NFRKB: variants seen among roughly 807,000 people sequenced by gnomAD.
NFRKB encodes nuclear factor related to kappa-B-binding protein.
NFRKB carries 62 observed loss-of-function variants against 135.7 expected under a neutral mutation model. The observed-to-expected ratio is 0.46, with a 90% confidence interval of 0.37 to 0.56. NFRKB has a LOEUF of 0.56. Ranked by LOEUF, NFRKB falls within the 20% of genes least tolerant of loss-of-function variation. The probability of loss-of-function intolerance (pLI) is 0.00; values close to 1 mark genes in which losing one functional copy is unlikely to be tolerated. For missense variants in NFRKB, 1,545 were observed against 1,662.0 expected (o/e 0.93, Z 1.22); for synonymous variants, 678 against 635.6 (o/e 1.07, Z -1.00).
chr11:129,882,750 AAC>A (rs1308396210), intron 9 of NFRKB, 119 bp from the exon 10 acceptor site: 1 of 1,076,016 alleles, frequency 9.3e-7, no homozygotes, highest in Non-Finnish European at 1.3e-6. Flanking sequence ...TCAGTAATAA[AAC>A]ACTCAATGAA....
chr11:129,877,309 G>T lies in NFRKB; in HGVS notation c.1572+16C>A. 1 of 1,613,610 alleles carries T rather than the reference G, an allele frequency of 6.2e-7. No homozygotes were observed. The highest frequency in any genetic ancestry group is 1.3e-5 in the African/African-American group (1 of 75,028). On this transcript the variant is annotated intron_variant, in intron 16 of 26. Coordinates refer to ENST00000682444, the MANE Select transcript of NFRKB (RefSeq NM_001143835.2). Reference sequence around the variant, plus strand: ...CTCACAGAGGCAGAGACTTACACTGGCTTTTAGGTTCTTACCTGCTCCTGA... The same window carrying T: ...CTCACAGAGGCAGAGACTTACACTGTCTTTTAGGTTCTTACCTGCTCCTGA...
chr11:129,865,974 G>T lies in NFRKB; in HGVS notation c.3541C>A (p.Pro1181Thr). Residue 1181 changes from proline (P) to threonine (T), a missense_variant, in exon 25 of 27, where the codon CCT (proline) becomes ACT (threonine). Physicochemically the swap from Pro to Thr is conservative, Grantham distance 38 (BLOSUM62 -1). Around this residue, in one of 3 missense-constraint regions of NFRKB, gnomAD observed 753 missense variants for 804.3 expected, o/e 0.94. Coordinates refer to ENST00000682444, the MANE Select transcript of NFRKB (RefSeq NM_001143835.2). ...GAGAGGGGAACTGTGATCCGTGTAG[G>T]CAACTTCCCCTAGAAAAAAAAAGCA... ...VVSTSQAGKLPTRITVPLSVI... is the reference protein window; with the variant it reads ...VVSTSQAGKLTTRITVPLSVI... The T allele has an allele frequency of 6.3e-7, 1 of 1,590,204 alleles. No homozygotes were observed.
At position 129,874,578 on chromosome 11, in the gene NFRKB, G is replaced by A. The variant is rs758784384; in HGVS notation, c.1981C>T (p.Arg661Trp). 11 of 1,613,842 alleles carry A rather than the reference G, an allele frequency of 6.8e-6. No homozygotes were observed. Among genetic ancestry groups the A allele is most frequent in the Admixed American group, 1.7e-5 (1 of 59,966 alleles). Residue 661 changes from arginine (R) to tryptophan (W), a missense_variant and splice_region_variant, in exon 20 of 27, where the codon CGG (arginine) becomes TGG (tryptophan). Transcript: ENST00000682444. The surrounding 1 kb of genome is among the most constrained non-coding windows in gnomAD (Gnocchi z 4.5). Reference protein sequence around the residue: ...HRDRSEEEFERIHQAQAAAAK... With the variant: ...HRDRSEEEFEWIHQAQAAAAK... Reference sequence around the variant, plus strand: ...GCAGCTGCTTGTGCTTGGTGAATCCGCTCTGTGAACAAGAGGGGCAAGCTT... The same window carrying A: ...GCAGCTGCTTGTGCTTGGTGAATCCACTCTGTGAACAAGAGGGGCAAGCTT...
chr11:129,888,176 G>A (rs752034380), intron 4 of NFRKB: 13 of 478,720 alleles, frequency 2.7e-5, no homozygotes, highest in Non-Finnish European at 4.4e-5. Flanking sequence ...GAAGTGCTTG[G>A]CAGTGAAGTG....
At chr11:129,894,182 A>C (rs1467807852) in intron 2 of NFRKB, 177 bp downstream of exon 2, 1 of 152,262 alleles carries the variant, frequency 6.6e-6, no homozygotes, top group Admixed American at 6.5e-5. Flanking sequence ...ACAGGACCAC[A>C]GGGAGCTTAA....
rs1277435823 is a variant in NFRKB, at chr11:129,888,480, C to T, written c.337+114G>A. ...GTTACACAAAACCGCTCTTTGCTGC[C>T]TCAGTATCTGTACATGAAGATAAAA... On this transcript the variant is annotated intron_variant, in intron 4 of 26. Coordinates refer to ENST00000682444, the MANE Select transcript of NFRKB (RefSeq NM_001143835.2). 4.5e-6 allele frequency: 5 copies of T among 1,122,840 alleles called. No individual in the cohort carries two copies. The Admixed American group carries it at 9.2e-5, about 21-fold the overall frequency. The allele number at this position is 1,122,840 out of a possible 1,614,324, so 69.6% of individuals were successfully genotyped here. A position where few individuals can be genotyped will look rare whatever the true frequency, so the allele number is the denominator to read the frequency against.
rs1304640218 is a variant in NFRKB, at chr11:129,874,929, C to T, written c.1855-13G>A. 3.1e-6 allele frequency: 5 copies of T among 1,613,630 alleles called. No individual in the cohort carries two copies. In the East Asian group the frequency reaches 8.9e-5, roughly 29 times the overall value. On this transcript the variant is annotated splice_polypyrimidine_tract_variant and intron_variant, in intron 18 of 26. Transcript: ENST00000682444. The surrounding 1 kb of genome is among the most constrained non-coding windows in gnomAD (Gnocchi z 4.5). ...CTACTGTATTTACCTACAAATCAGA[C>T]AAAGGGAAATAAGAAACAAGTCAAG... is the stretch of plus-strand genomic sequence containing the variant.
Position 129,882,131 on chromosome 11 carries a change from A to G in NFRKB, c.1146T>C (p.Leu382=). The change falls in exon 11 of 27, where the codon CTT becomes CTC. Residue 382 remains leucine (L), a synonymous_variant. Coordinates refer to ENST00000682444, the MANE Select transcript of NFRKB (RefSeq NM_001143835.2). ...INEISSSFFS[L]LLEILLLESQ... The stretch of plus-strand genomic sequence containing the variant: ...TCTCCAGCAGCAAGATCTCTAATAG[A>G]AGAGAGAAGAAGCTGGAAGATATTT... 5 of 1,613,662 alleles carry G rather than the reference A, an allele frequency of 3.1e-6. No individual in the cohort carries two copies. Among genetic ancestry groups the G allele is most frequent in the Non-Finnish European group, 4.2e-6 (5 of 1,179,872 alleles).
chr11:129,884,241 G>C, intron 7 of NFRKB, 98 bp from the exon 8 acceptor site: 1 of 1,257,932 alleles, frequency 7.9e-7, no homozygotes, highest in Middle Eastern at 1.9e-4. Context: ...TTTCCCTTCT[G>C]ACACCTGTGA....
intron 3 of NFRKB, 74 bp downstream of exon 3, chr11:129,892,641 G>A: frequency 2.0e-6 from 3 of 1,501,418 alleles, no homozygotes; most frequent in Middle Eastern, 2.4e-4. Flanking sequence ...GAAATGTAGA[G>A]TGGAAAAGGT....
rs140095447 is a variant in NFRKB at position 129,877,229 on chromosome 11, T to G, written c.1572+96A>C. On this transcript the variant is annotated intron_variant, in intron 16 of 26. Coordinates refer to ENST00000682444, the MANE Select transcript of NFRKB (RefSeq NM_001143835.2). ...AAGGTCTAAGGGGAAAGGTATGAGT[T>G]TCTTGCAAGAAGGTAGATGCAGGAG... 110 of 1,266,026 alleles carry G rather than the reference T, an allele frequency of 8.7e-5. No individual in the cohort carries two copies. The Middle Eastern group carries it at 1.9e-3, about 22-fold the overall frequency. 78.4% of individuals were successfully genotyped at this position (1,266,026 alleles called of 1,614,324 possible). A position where few individuals can be genotyped will look rare whatever the true frequency, so the allele number is the denominator to read the frequency against.
chr11:129,883,391 C>T (rs900739192), intron 8 of NFRKB, among the ~76,000 whole-genome samples, 185 bp from the exon 9 acceptor site: 2 of 152,184 alleles, frequency 1.3e-5, no homozygotes, highest in Non-Finnish European at 2.9e-5. Flanking sequence ...TAACTTGATA[C>T]TGCTGCACAG....
At chr11:129,878,667 C>T in intron 13 of NFRKB, 124 bp from the exon 14 acceptor site, 1 of 808,054 alleles carries the variant, frequency 1.2e-6, no homozygotes, top group Non-Finnish European at 2.0e-6. Flanking sequence ...AGCAACAATC[C>T]TTCACACATC....
At chr11:129,885,162 G>A (rs1036227739) in intron 6 of NFRKB, among the ~76,000 whole-genome samples, 1 of 152,174 alleles carries the variant, frequency 6.6e-6, no homozygotes, top group African/African-American at 2.4e-5. Context: ...GGAGAACCCC[G>A]TCGTGCAGGG....
intron 4 of NFRKB, among the ~76,000 whole-genome samples, chr11:129,887,052 T>A (rs891739942): frequency 6.6e-6 from 1 of 152,204 alleles, no homozygotes; most frequent in African/African-American, 2.4e-5. Flanking sequence ...GCTGTCAAGT[T>A]GTCAAGTTTA....
At position 129,877,163 on chromosome 11, in the gene NFRKB, C is replaced by T. The variant is rs553773172; in HGVS notation, c.1572+162G>A. 2.4e-4 allele frequency among the ~76,000 whole-genome samples: 36 copies of T among 152,244 alleles called. No homozygotes were observed. The South Asian group carries it at 6.8e-3, about 29-fold the overall frequency. On this transcript the variant is annotated intron_variant, in intron 16 of 26. Transcript: ENST00000682444. ...TCCAAGTATTTCTTACTCCCCTTCC[C>T]CACACCGTTTCCACCCCCAACAAGT...
intron 23 of NFRKB, among the ~76,000 whole-genome samples, chr11:129,871,302 G>A (rs530243182): frequency 7.9e-5 from 12 of 152,026 alleles, no homozygotes; most frequent in African/African-American, 2.2e-4. Flanking sequence ...TGGAACCCAC[G>A]AGTACAGAGG....
intron 24 of NFRKB, 126 bp from the exon 25 acceptor site, chr11:129,866,109 G>T: frequency 1.4e-6 from 1 of 722,346 alleles, no homozygotes; most frequent in Non-Finnish European, 2.2e-6. Context: ...GTACCCACCA[G>T]GGTCTCAAGG....
In NFRKB at chr11:129,877,402, T is replaced by C; in HGVS notation, c.1512-17A>G. Reference sequence around the variant, plus strand: ...TCAGTTCTTCTGGAATATAAAGAATTCTGTATCAACCCTGACAGCTGGCAC... The same window carrying C: ...TCAGTTCTTCTGGAATATAAAGAATCCTGTATCAACCCTGACAGCTGGCAC... On this transcript the variant is annotated splice_polypyrimidine_tract_variant and intron_variant, in intron 15 of 26. Coordinates refer to ENST00000682444, the MANE Select transcript of NFRKB (RefSeq NM_001143835.2). 6.2e-7 allele frequency: 1 copy of C among 1,613,706 alleles called. No homozygotes were observed.
Sources: allele counts gnomAD v4.1 joint callset (sites outside exome capture counted in the v4.1 genomes callset), GRCh38; gene constraint gnomAD v4.1.1; regional missense constraint gnomAD v4.1.1; non-coding constraint Gnocchi (gnomAD v3.1); transcripts MANE v1.5; gene names NCBI Gene and HGNC (gene_info 2026-07-23, HGNC 2026-07-21).